Variants in ARHGAP39 observed in about 807,000 individuals in gnomAD.
ARHGAP39 encodes rho GTPase-activating protein 39.
ARHGAP39 carries 44 observed loss-of-function variants against 106.9 expected under a neutral mutation model. That is an observed-to-expected ratio of 0.41 (90% CI 0.32 to 0.53). ARHGAP39 has a LOEUF of 0.53. Ranked by LOEUF, ARHGAP39 falls within the 20% of genes least tolerant of loss-of-function variation. The pLI is 0.21. For missense variants in ARHGAP39, 1,496 were observed against 1,577.3 expected, an observed-to-expected ratio of 0.95 and a Z score of 0.87; for synonymous variants, 768 against 693.2, an observed-to-expected ratio of 1.11 and a Z score of -1.69.
At position 144,671,182 on chromosome 8, in the gene ARHGAP39, C is replaced by A. The variant is rs1460860482; in HGVS notation, c.-82+14504G>T. On this transcript the variant is annotated intron_variant, in intron 1 of 11. Coordinates refer to ENST00000377307, the MANE Select transcript of ARHGAP39 (RefSeq NM_025251.3). The surrounding 1 kb of genome is among the most constrained non-coding windows in gnomAD (Gnocchi z 4.5). ...TGTTGGGTGTCTCACCCATGCCAGG[C>A]TCTGCGGGTCACTGACAAGAGTCTC... is the stretch of plus-strand genomic sequence containing the variant. Among the ~76,000 whole-genome samples, 2 of 152,248 alleles carry A rather than the reference C, an allele frequency of 1.3e-5. No homozygotes were observed. The highest frequency in any genetic ancestry group is 2.4e-5 in the African/African-American group (1 of 41,458).
upstream of ARHGAP39, among the ~76,000 whole-genome samples, chr8:144,690,808 C>T (rs952619920): frequency 6.7e-6 from 1 of 148,186 alleles, no homozygotes; most frequent in Non-Finnish European, 1.5e-5. Context: ...CCACACCCAG[C>T]TGATTTTTTT....
Position 144,591,233 on chromosome 8 carries a change from T to C in ARHGAP39, c.81-9956A>G, listed in dbSNP as rs983126918. ...CGGAGCCTGGACCCCAATGGACAGC[T>C]GCTCTGTGCTCCCGTGAGCACAGAC... On this transcript the variant is annotated intron_variant, in intron 2 of 11. Coordinates refer to ENST00000377307, the MANE Select transcript of ARHGAP39 (RefSeq NM_025251.3). This position sits in a 1 kb window ranked among gnomAD's most constrained non-coding sequence, Gnocchi z 5.3. Among the ~76,000 whole-genome samples the C allele has an allele frequency of 9.8e-5, 15 of 152,296 alleles. No homozygotes were observed. Among genetic ancestry groups the C allele is most frequent in the Non-Finnish European group, 1.8e-4 (12 of 68,004 alleles).
At chr8:144,669,149 A>C (rs1434466687) in intron 1 of ARHGAP39, among the ~76,000 whole-genome samples, 1 of 142,128 alleles carries the variant, frequency 7.0e-6, no homozygotes, top group Admixed American at 7.4e-5. Context: ...ACATGAACAA[A>C]ATTAACTCAA....
Position 144,530,809 on chromosome 8 carries a change from C to T in ARHGAP39, c.3043G>A (p.Glu1015Lys), listed in dbSNP as rs748339987. The T allele has an allele frequency of 8.7e-6, 14 of 1,611,944 alleles. No homozygotes were observed. Among genetic ancestry groups the T allele is most frequent in the South Asian group, 5.5e-5 (5 of 91,020 alleles). The change falls in exon 11 of 12, where the codon GAG (glutamate) becomes AAG (lysine). Residue 1015 changes from glutamate to lysine, a missense_variant. Transcript: ENST00000377307. The part of the protein sequence containing the change: ...EEPLIPHEFY[E>K]QCIAHYDSPE... ...CTGTCGTAGTGCGCGATGCACTGCT[C>T]GTAGAACTCGTGCGGGATCAGGGGC...
rs1816654654 is a variant in ARHGAP39, at chr8:144,530,689, G to GGGA, written c.3150+10_3150+12dup. ...GAGGGGAAAGCAGCGGGGACCCCCG[G>GGGA]GGAGGGAAGTACCTGCAGGAAGCGG... is the stretch of plus-strand genomic sequence containing the variant. On this transcript the variant is annotated intron_variant, in intron 11 of 11. Transcript: ENST00000377307. The GGGA allele has an allele frequency of 6.3e-7, 1 of 1,581,144 alleles. No homozygotes were observed. Among genetic ancestry groups the GGGA allele is most frequent in the Non-Finnish European group, 8.6e-7 (1 of 1,162,194 alleles).
chr8:144,576,450 G>A lies in ARHGAP39; in HGVS notation c.512+4396C>T, dbSNP rs186072935. Among the ~76,000 whole-genome samples the A allele has an allele frequency of 9.9e-5, 15 of 151,658 alleles. 1 individual carries two copies. Among genetic ancestry groups the A allele is most frequent in the Admixed American group, 9.8e-4 (15 of 15,238 alleles). The stretch of plus-strand genomic sequence containing the variant: ...AGCATTCCTGAGACATTTTTGAGAA[G>A]AGATGGACACTCCAGTCCCCAGAGA... On this transcript the variant is annotated intron_variant, in intron 3 of 11. Transcript: ENST00000377307.
intron 2 of ARHGAP39, among the ~76,000 whole-genome samples, chr8:144,603,792 T>C (rs1236847809): frequency 6.6e-6 from 1 of 151,436 alleles, no homozygotes; most frequent in Admixed American, 6.6e-5. Flanking sequence ...CAGTATTCCC[T>C]AAAAGGAACC....
chr8:144,563,458 G>A (rs931172177), intron 3 of ARHGAP39, among the ~76,000 whole-genome samples: 1 of 152,044 alleles, frequency 6.6e-6, no homozygotes, highest in African/African-American at 2.4e-5. Flanking sequence ...CTCTGCATGA[G>A]AAAAACCTCC....
rs577957059 is a variant in ARHGAP39 at position 144,677,491 on chromosome 8, A to G, written c.-82+8195T>C. On this transcript the variant is annotated intron_variant, in intron 1 of 11. Transcript: ENST00000377307. ...AGATGCTATTTCTAGGATGGGTCCT[A>G]CAGGTACATTTGCAAAACACTGTGC... Among the ~76,000 whole-genome samples, 3 of 152,380 alleles carry G rather than the reference A, an allele frequency of 2.0e-5. No individual in the cohort carries two copies. In the South Asian group the frequency reaches 6.2e-4, roughly 32 times the overall value.
intron 2 of ARHGAP39, among the ~76,000 whole-genome samples, chr8:144,588,101 C>T (rs917909695): frequency 1.1e-4 from 16 of 152,232 alleles, no homozygotes; most frequent in African/African-American, 3.6e-4. Context: ...GAGCCAGTGA[C>T]GCTGCTGGCA....
At chr8:144,569,990 G>A (rs1818528299) in intron 3 of ARHGAP39, among the ~76,000 whole-genome samples, 1 of 152,228 alleles carries the variant, frequency 6.6e-6, no homozygotes, top group Non-Finnish European at 1.5e-5. Context: ...GGAAGCTGGG[G>A]CGGGCAGATC....
chr8:144,592,695 C>T (rs1470148248), intron 2 of ARHGAP39, among the ~76,000 whole-genome samples: 1 of 152,120 alleles, frequency 6.6e-6, no homozygotes, highest in East Asian at 1.9e-4. Flanking sequence ...AGCCCAGACC[C>T]TCGGGAAACC....
At chr8:144,661,491 C>A (rs1821820903) in intron 1 of ARHGAP39, among the ~76,000 whole-genome samples, 1 of 152,136 alleles carries the variant, frequency 6.6e-6, no homozygotes, top group Non-Finnish European at 1.5e-5. Flanking sequence ...CCCATCCACA[C>A]CTGCCGCTAA....
At chr8:144,552,335 G>A (rs1817736976) in intron 4 of ARHGAP39, among the ~76,000 whole-genome samples, 1 of 152,270 alleles carries the variant, frequency 6.6e-6, no homozygotes. Context: ...TCGCTCCTGA[G>A]AAGCGGCTGC....
chr8:144,680,852 A>C (rs1381530700), intron 1 of ARHGAP39, among the ~76,000 whole-genome samples: 1 of 152,168 alleles, frequency 6.6e-6, no homozygotes, highest in Admixed American at 6.5e-5. Flanking sequence ...TCATAACAAG[A>C]TTATCAATGG....
intron 2 of ARHGAP39, among the ~76,000 whole-genome samples, chr8:144,583,615 C>T (rs949717111): frequency 6.6e-6 from 1 of 152,230 alleles, no homozygotes; most frequent in African/African-American, 2.4e-5. Context: ...TTCCTGCCTG[C>T]GTGCTCCACT....
chr8:144,574,590 C>T (rs959011378), intron 3 of ARHGAP39, among the ~76,000 whole-genome samples: 2 of 152,178 alleles, frequency 1.3e-5, no homozygotes, highest in Non-Finnish European at 2.9e-5. Flanking sequence ...AGGAGAATGG[C>T]GTGAACCCAG....
At chr8:144,695,235 C>T in the ARHGAP39 span, among the ~76,000 whole-genome samples, 1 of 145,998 alleles carries the variant, frequency 6.8e-6, no homozygotes, top group Non-Finnish European at 1.5e-5. Flanking sequence ...CCAACACGCC[C>T]GGCTAATTTT....
chr8:144,555,534 G>A (rs763835115), intron 4 of ARHGAP39, 26 bp downstream of exon 4: 13 of 1,606,038 alleles, frequency 8.1e-6, no homozygotes, highest in East Asian at 2.2e-5. Flanking sequence ...CATCACAAAC[G>A]GCCACGCCTG....
Sources: gnomAD v4.1 joint callset for allele counts (sites outside exome capture counted in the v4.1 genomes callset) on GRCh38, gnomAD v4.1.1 for gene constraint, Gnocchi (gnomAD v3.1) non-coding constraint, MANE v1.5 for transcripts, NCBI Gene and HGNC (gene_info 2026-07-23, HGNC 2026-07-21) for gene names.